HMG20B: variants seen among roughly 807,000 people sequenced by gnomAD.
HMG20B encodes the protein SWI/SNF-related matrix-associated actin-dependent regulator of chromatin subfamily E member 1-related.
A neutral mutation model predicts 41.6 loss-of-function variants in HMG20B; 24 were observed. That is an observed-to-expected ratio of 0.58 (90% confidence interval 0.42 to 0.81). The LOEUF is 0.81. Among genes scored for constraint, HMG20B ranks in the 30% least tolerant of loss-of-function variants. The pLI, the probability that HMG20B is intolerant of heterozygous loss-of-function variation, is 0.00. For synonymous variants in HMG20B, 251 were observed against 186.6 expected, an observed-to-expected ratio of 1.34 and a Z score of -2.81; for missense variants, 461 against 444.0, an observed-to-expected ratio of 1.04 and a Z score of -0.34.
intron 8 of HMG20B, 77 bp from the exon 9 acceptor site, chr19:3,577,904 C>T: frequency 7.3e-7 from 1 of 1,364,952 alleles, no homozygotes; most frequent in Non-Finnish European, 9.9e-7. Context: ...CCCTGAGTCA[C>T]CCCCTACCGC....
rs372054901 is a variant in HMG20B, at chr19:3,575,672, C to T, written c.472+12C>T. On this transcript the variant is annotated intron_variant, in intron 5 of 9. Transcript: ENST00000333651. The stretch of plus-strand genomic sequence containing the variant: ...GAAGATCAAGAAAGGTGGGAGGGGT[C>T]GGGCGCGGTGGCTCACGCCTGTCAT... 7.7e-6 allele frequency: 12 copies of T among 1,548,550 alleles called. No individual in the cohort carries two copies. The highest frequency in any genetic ancestry group is 1.0e-5 in the Non-Finnish European group (12 of 1,146,142).
At position 3,575,526 on chromosome 19, in the gene HMG20B, G is replaced by C. The variant is rs1320670560; in HGVS notation, c.352-14G>C. On this transcript the variant is annotated splice_polypyrimidine_tract_variant and intron_variant, in intron 4 of 9. Transcript: ENST00000333651. ...GGCTTCCCCTGCTTCAAGCCTTCTG[G>C]TGCTGCCCCCCAGCGGTACCTGGAT... 2.6e-6 allele frequency: 4 copies of C among 1,562,716 alleles called. No homozygotes were observed. Among genetic ancestry groups the C allele is most frequent in the Non-Finnish European group, 3.5e-6 (4 of 1,154,238 alleles).
At chr19:3,577,163 C>CCCCCCCCTCCTCCCTT (rs2032183791) in intron 8 of HMG20B, 56 bp downstream of exon 8, 4 of 464,074 alleles carry the variant, frequency 8.6e-6, no homozygotes, top group Non-Finnish European at 1.2e-5. Flanking sequence ...CCGCCCGCCT[C>CCCCCCCCTCCTCCCTT]CCCCCCCCTC....
At position 3,573,715 on chromosome 19, in the gene HMG20B, G is replaced by T; in HGVS notation, c.62G>T (p.Gly21Val). 1 of 1,516,856 alleles carries T rather than the reference G, an allele frequency of 6.6e-7. No homozygotes were observed. 94.0% of individuals were successfully genotyped at this position (1,516,856 alleles called of 1,614,324 possible). A position where few individuals can be genotyped will look rare whatever the true frequency, so the allele number is the denominator to read the frequency against. ...AGGCCGGCGGGCGGCAAGGCTCCGG[G>T]CCAGCATGGGGGCTTCGTGGTGACT... is the stretch of plus-strand genomic sequence containing the variant. ...AAAPAGGKAP[G>V]QHGGFVVTVK... Residue 21 changes from glycine (G) to valine (V), a missense_variant, in exon 3 of 10, where the codon GGC (glycine) becomes GTC (valine). By Grantham distance (109) the Gly-to-Val change is moderately radical. Coordinates refer to ENST00000333651, the MANE Select transcript of HMG20B (RefSeq NM_006339.3).
chr19:3,578,462 C>T lies in HMG20B; in HGVS notation c.942-47C>T, dbSNP rs952055000. ...GGGTTCCCCAGGGCCGGGGTGGGGG[C>T]CAGAGATGATGAGGGCCTCATCCCG... On this transcript the variant is annotated intron_variant, in intron 9 of 9. Coordinates refer to ENST00000333651, the MANE Select transcript of HMG20B (RefSeq NM_006339.3). 4.0e-6 allele frequency: 6 copies of T among 1,487,346 alleles called. No homozygotes were observed. The African/African-American group carries it at 4.2e-5, about 10-fold the overall frequency. 92.1% of individuals were successfully genotyped at this position (1,487,346 alleles called of 1,614,324 possible).
chr19:3,573,546 G>C (rs866133472), intron 2 of HMG20B, 146 bp from the exon 3 acceptor site: 13 of 904,616 alleles, frequency 1.4e-5, no homozygotes, highest in Non-Finnish European at 1.6e-5. Context: ...CACCTTCCCC[G>C]GATACTGACC....
At position 3,577,968 on chromosome 19, in the gene HMG20B, G is replaced by C; in HGVS notation, c.809-13G>C. The C allele has an allele frequency of 6.3e-7, 1 of 1,580,840 alleles. No individual in the cohort carries two copies. The highest frequency in any genetic ancestry group is 8.6e-7 in the Non-Finnish European group (1 of 1,167,230). On this transcript the variant is annotated splice_polypyrimidine_tract_variant and intron_variant, in intron 8 of 9. Coordinates refer to ENST00000333651, the MANE Select transcript of HMG20B (RefSeq NM_006339.3). Reference sequence around the variant, plus strand: ...CCCGGCACCCTCGCCTGACCTTCCCGCCTGTCCCCCAGGCACGGGCGAAAC... The same window carrying C: ...CCCGGCACCCTCGCCTGACCTTCCCCCCTGTCCCCCAGGCACGGGCGAAAC...
At chr19:3,573,425 C>T (rs1357877850) in intron 2 of HMG20B, 78 bp downstream of exon 2, 2 of 1,388,516 alleles carry the variant, frequency 1.4e-6, no homozygotes, top group African/African-American at 1.5e-5. Context: ...CTGACCCAGT[C>T]CCTCCCGCCG....
Position 3,577,102 on chromosome 19 carries a change from T to G in HMG20B, c.803T>G (p.Val268Gly). Residue 268 changes from valine (V) to glycine (G), a missense_variant, in exon 8 of 10, where the codon GTG becomes GGG. By Grantham distance (109) the Val-to-Gly change is moderately radical. Coordinates refer to ENST00000333651, the MANE Select transcript of HMG20B (RefSeq NM_006339.3). Reference protein sequence around the residue: ...ALTASFASLPVPGTGETPTLG... With the variant: ...ALTASFASLPGPGTGETPTLG... ...ACCGCCAGCTTCGCCTCACTGCCGGTGCCGGGTGCGGGCCACGCCCATCTC... is the reference window on the plus strand; with the variant it reads ...ACCGCCAGCTTCGCCTCACTGCCGGGGCCGGGTGCGGGCCACGCCCATCTC... 1 of 1,530,868 alleles carries G rather than the reference T, an allele frequency of 6.5e-7. No individual in the cohort carries two copies. Among genetic ancestry groups the G allele is most frequent in the Non-Finnish European group, 8.8e-7 (1 of 1,142,664 alleles). 94.8% of individuals were successfully genotyped at this position (1,530,868 alleles called of 1,614,324 possible).
At chr19:3,577,773 C>T (rs1028531112) in intron 8 of HMG20B, among the ~76,000 whole-genome samples, 6 of 151,022 alleles carry the variant, frequency 4.0e-5, no homozygotes, top group Non-Finnish European at 7.4e-5. Context: ...GCCCGCCGCT[C>T]TAGCCCCGCG....
rs2032204782 is a variant in HMG20B at position 3,577,839 on chromosome 19, C to G, written c.809-142C>G. On this transcript the variant is annotated intron_variant, in intron 8 of 9. Transcript: ENST00000333651. ...CCTGCCCCGGCTTACCTTAGCCCAC[C>G]CTGCGCCGCTCCTGCGCTGGCGGTG... The G allele has an allele frequency of 1.8e-5, 13 of 732,162 alleles. No individual in the cohort carries two copies. In the South Asian group the frequency reaches 2.3e-4, roughly 13 times the overall value. 45.4% of individuals were successfully genotyped at this position (732,162 alleles called of 1,614,324 possible). A position where few individuals can be genotyped will look rare whatever the true frequency, so the allele number is the denominator to read the frequency against.
At chr19:3,576,717 G>T (rs779243790) in intron 7 of HMG20B, 92 bp downstream of exon 7, 2 of 1,312,564 alleles carry the variant, frequency 1.5e-6, no homozygotes, top group Non-Finnish European at 2.1e-6. Flanking sequence ...TGCAGGAGGC[G>T]GATCGGGAGG....
Position 3,573,784 on chromosome 19 carries a change from G to GGTCCCACGAGGAGGA in HMG20B, c.133_147dup (p.Ser45_Glu49dup), listed in dbSNP as rs780802888. 6.3e-7 allele frequency: 1 copy of GGTCCCACGAGGAGGA among 1,579,134 alleles called. No homozygotes were observed. Among genetic ancestry groups the GGTCCCACGAGGAGGA allele is most frequent in the East Asian group, 2.3e-5 (1 of 43,106 alleles). On this transcript the variant is annotated inframe_insertion, in exon 3 of 10. Transcript: ENST00000333651. ...GAGGGTCCACGCGCGGGCGAGAAGG[G>GGTCCCACGAGGAGGA]GTCCCACGAGGAGGAGGTGAGAGTC...
At chr19:3,577,652 G>GC (rs34409492) in intron 8 of HMG20B, among the ~76,000 whole-genome samples, 12,704 of 106,412 alleles carry the variant, frequency 0.12, 1,274 homozygotes, top group South Asian at 0.18. Flanking sequence ...TGACGCCTGA[G>GC]CCCCCTCCAC....
intron 3 of HMG20B, 96 bp from the exon 4 acceptor site, chr19:3,574,287 A>T (rs1359512667): frequency 1.9e-5 from 4 of 216,156 alleles, no homozygotes; most frequent in Admixed American, 8.8e-5. Context: ...CCCCGCCCCC[A>T]TCCCCGCCCA....
At chr19:3,575,975 A>G (rs1763152948) in intron 5 of HMG20B, 1 of 541,400 alleles carries the variant, frequency 1.8e-6, no homozygotes, top group Non-Finnish European at 3.3e-6. Context: ...AGAAAAATGA[A>G]AGGTGGGAGG....
intron 4 of HMG20B, 135 bp from the exon 5 acceptor site, chr19:3,575,405 T>A: frequency 1.4e-6 from 2 of 1,427,730 alleles, no homozygotes; most frequent in Non-Finnish European, 1.9e-6. Flanking sequence ...AGGAGCCGGT[T>A]CTGTCTGCCT....
chr19:3,575,457 G>T (rs994249842), intron 4 of HMG20B, 83 bp from the exon 5 acceptor site: 2 of 1,538,214 alleles, frequency 1.3e-6, no homozygotes, highest in Admixed American at 2.0e-5. Flanking sequence ...AGAGGGGAGG[G>T]TGCTGTGAAA....
In HMG20B at chr19:3,578,625, C is replaced by T. The variant is rs1330202218; in HGVS notation, c.*104C>T. On this transcript the variant is annotated 3_prime_UTR_variant, in exon 10 of 10. Coordinates refer to ENST00000333651, the MANE Select transcript of HMG20B (RefSeq NM_006339.3). Reference sequence around the variant, plus strand: ...GGGGTCCACCCTTTGGGGCCTGGTCCCATCCTGCACCTTGGGGGCTCCAGC... The same window carrying T: ...GGGGTCCACCCTTTGGGGCCTGGTCTCATCCTGCACCTTGGGGGCTCCAGC... 2 of 1,408,496 alleles carry T rather than the reference C, an allele frequency of 1.4e-6. No homozygotes were observed. The highest frequency in any genetic ancestry group is 1.4e-5 in the African/African-American group (1 of 70,276). The allele number at this position is 1,408,496 out of a possible 1,614,324, so 87.2% of individuals were successfully genotyped here. A position where few individuals can be genotyped will look rare whatever the true frequency, so the allele number is the denominator to read the frequency against.
Sources: allele counts gnomAD v4.1 joint callset (sites outside exome capture counted in the v4.1 genomes callset), GRCh38; gene constraint gnomAD v4.1.1; transcripts MANE v1.5; gene names NCBI Gene and HGNC (gene_info 2026-07-23, HGNC 2026-07-21).